Variants in MIA2 observed in about 807,000 individuals in gnomAD.
MIA2 encodes the protein MIA SH3 domain ER export factor 2.
A neutral mutation model predicts 167.8 loss-of-function variants in MIA2; 127 were observed. The ratio of observed to expected loss-of-function variants is 0.76; its 90% CI spans 0.66 to 0.88. MIA2 has a LOEUF of 0.88. Among genes scored for constraint, MIA2 ranks in the 40% least tolerant of loss-of-function variants. The pLI is 0.00. For missense variants in MIA2, 1,690 were observed against 1,624.7 expected, an observed-to-expected ratio of 1.04 and a Z score of -0.69; for synonymous variants, 552 against 541.9, an observed-to-expected ratio of 1.02 and a Z score of -0.26.
intron 24 of MIA2, among the ~76,000 whole-genome samples, chr14:39,321,315 T>A (rs1045867998): frequency 7.9e-5 from 12 of 152,088 alleles, no homozygotes; most frequent in African/African-American, 2.9e-4. Context: ...TCTTTTTAAT[T>A]TTAATTTTTA....
intron 9 of MIA2, among the ~76,000 whole-genome samples, chr14:39,288,444 TATATATATATATA>T (rs2060120727): frequency 6.1e-4 from 6 of 9,786 alleles, no homozygotes; most frequent in Non-Finnish European, 8.9e-4. Context: ...TATATATATA[TATATATATATATA>T]TATATATATA....
At chr14:39,335,159 A>C (rs1212903475) in intron 25 of MIA2, among the ~76,000 whole-genome samples, 1 of 152,200 alleles carries the variant, frequency 6.6e-6, no homozygotes, top group Non-Finnish European at 1.5e-5. Context: ...CCTCTCTTTT[A>C]TGTAAGGTTG....
chr14:39,325,092 A>G (rs1369284302), intron 24 of MIA2, among the ~76,000 whole-genome samples: 5 of 152,060 alleles, frequency 3.3e-5, no homozygotes, highest in Non-Finnish European at 7.4e-5. Context: ...GCGTGGTGGC[A>G]CATGCCTGTT....
chr14:39,245,080 C>CGTTTTTTT (rs1566590809), intron 3 of MIA2, among the ~76,000 whole-genome samples: 10 of 10,526 alleles, frequency 9.5e-4, no homozygotes, highest in Non-Finnish European at 2.1e-3. Flanking sequence ...ACCTAGCTAA[C>CGTTTTTTT]CTTTTTTTTT....
chr14:39,350,189 T>G lies in MIA2; in HGVS notation c.4164T>G (p.Ser1388Arg). The G allele has an allele frequency of 3.4e-6, 5 of 1,484,248 alleles. No individual in the cohort carries two copies. The highest frequency in any genetic ancestry group is 4.6e-6 in the Non-Finnish European group (5 of 1,092,928). 91.9% of individuals were successfully genotyped at this position (1,484,248 alleles called of 1,614,324 possible). ...CACCCCCACATTCTGAAGGTAGAAGTGAGTTCCCCTCAGGTTTGATTCCAC... is the reference window on the plus strand; with the variant it reads ...CACCCCCACATTCTGAAGGTAGAAGGGAGTTCCCCTCAGGTTTGATTCCAC... The part of the protein sequence containing the change: ...FPPPPHSEGR[S>R]EFPSGLIPPS... The change falls in exon 29 of 29, where the codon AGT becomes AGG. Residue 1388 changes from serine to arginine, a missense_variant. Transcript: ENST00000640607.
Position 39,320,983 on chromosome 14 carries a change from T to G in MIA2, c.3423T>G (p.Ala1141=). The part of the protein sequence containing the change: ...PLGWPSSETR[A]FLSPPTLLEG... ...GTTGGCCTTCATCTGAAACAAGAGC[T>G]TTTCTCTCTCCTCCAACTTTGTTGG... is the stretch of plus-strand genomic sequence containing the variant. Residue 1141 remains alanine, a synonymous_variant, in exon 24 of 29, where the codon GCT becomes GCG. Transcript: ENST00000640607. 6.2e-7 allele frequency: 1 copy of G among 1,613,732 alleles called. No homozygotes were observed. Among genetic ancestry groups the G allele is most frequent in the South Asian group, 1.1e-5 (1 of 91,066 alleles).
chr14:39,257,178 A>ATCAATATT (rs1230535280), intron 6 of MIA2, among the ~76,000 whole-genome samples: 6 of 152,192 alleles, frequency 3.9e-5, no homozygotes, highest in Non-Finnish European at 8.8e-5. Context: ...TAATATTGAC[A>ATCAATATT]GTGGGGCATC....
chr14:39,235,557 C>A (rs1172550730), intron 1 of MIA2, among the ~76,000 whole-genome samples: 1 of 151,706 alleles, frequency 6.6e-6, no homozygotes, highest in Non-Finnish European at 1.5e-5. Context: ...GTGGGAGGAT[C>A]ACTTGAGTCC....
chr14:39,261,307 A>G (rs2055097472), intron 6 of MIA2, among the ~76,000 whole-genome samples: 2 of 152,136 alleles, frequency 1.3e-5, no homozygotes, highest in Non-Finnish European at 2.9e-5. Flanking sequence ...TGTCCCTACA[A>G]AGGACATGAA....
intron 9 of MIA2, among the ~76,000 whole-genome samples, chr14:39,288,473 A>ATTTTTTT (rs1338351779): frequency 7.8e-5 from 4 of 51,414 alleles, no homozygotes; most frequent in African/African-American, 2.1e-4. Context: ...ATATATATAT[A>ATTTTTTT]TATTTTTTTT....
At chr14:39,311,836 G>GTTTT (rs34526208) in intron 18 of MIA2, among the ~76,000 whole-genome samples, 2 of 96,614 alleles carry the variant, frequency 2.1e-5, no homozygotes, top group Non-Finnish European at 2.3e-5. Flanking sequence ...GTGTGTGTGT[G>GTTTT]TTTTTTTTTT....
Position 39,320,936 on chromosome 14 carries a change from C to G in MIA2, c.3376C>G (p.Pro1126Ala). The change falls in exon 24 of 29, where the codon CCA becomes GCA. Residue 1126 changes from proline (P) to alanine (A), a missense_variant. By Grantham distance (27) the Pro-to-Ala change is conservative. Coordinates refer to ENST00000640607, the MANE Select transcript of MIA2 (RefSeq NM_001329214.4). ...TGTTTTAATTATTCCAGAGCATTCC[C>G]CATATGGTCCCTCACCATTGGGTTG... The part of the protein sequence containing the change: ...PNTAFGREHS[P>A]YGPSPLGWPS... 4 of 1,613,014 alleles carry G rather than the reference C, an allele frequency of 2.5e-6. No individual in the cohort carries two copies. Among genetic ancestry groups the G allele is most frequent in the Non-Finnish European group, 3.4e-6 (4 of 1,179,584 alleles).
chr14:39,364,437 T>G (rs1026952527), intron 23 of MIA2, among the ~76,000 whole-genome samples: 30 of 100,272 alleles, frequency 3.0e-4, no homozygotes, highest in African/African-American at 9.6e-4. Flanking sequence ...GTTTGTTGGT[T>G]TTTTTTTTGT....
chr14:39,381,667 G>GTTTTTTTTTTT (rs398057014), intron 23 of MIA2, among the ~76,000 whole-genome samples: 1 of 145,316 alleles, frequency 6.9e-6, no homozygotes, highest in Admixed American at 6.9e-5. Context: ...TTTGCTGGCT[G>GTTTTTTTTTTT]TTTTTTTTTT....
In MIA2 at chr14:39,237,331, T is replaced by C. The variant is rs571815163; in HGVS notation, c.249+276T>C. ...TTGGTAGAGACAGCATTTCACTCTG[T>C]TGCCCAGGCTGGTCACAAACCCCTG... On this transcript the variant is annotated intron_variant, in intron 2 of 28. Coordinates refer to ENST00000640607, the MANE Select transcript of MIA2 (RefSeq NM_001329214.4). 171 of 385,254 alleles carry C rather than the reference T, an allele frequency of 4.4e-4. 2 individuals carry two copies. Among genetic ancestry groups the C allele is most frequent in the South Asian group, 3.7e-3 (166 of 44,394 alleles). 23.9% of individuals were successfully genotyped at this position (385,254 alleles called of 1,614,324 possible).
At chr14:39,379,897 T>TA (rs1474570439) in intron 23 of MIA2, among the ~76,000 whole-genome samples, 1 of 151,388 alleles carries the variant, frequency 6.6e-6, no homozygotes, top group African/African-American at 2.4e-5. Context: ...AAAATGTTTT[T>TA]ATCTCAGTTT....
chr14:39,354,631 T>TG (rs1464405683), downstream of MIA2, among the ~76,000 whole-genome samples: 1 of 152,256 alleles, frequency 6.6e-6, no homozygotes, highest in African/African-American at 2.4e-5. Flanking sequence ...ATGAGATCCT[T>TG]GCCCATGCCT....
chr14:39,385,662 T>C, intron 23 of MIA2: 1 of 947,250 alleles, frequency 1.1e-6, no homozygotes, highest in Non-Finnish European at 1.7e-6. Flanking sequence ...AAAGCTTAAA[T>C]GCAATCTTTT....
intron 6 of MIA2, chr14:39,267,297 G>T: frequency 6.8e-7 from 1 of 1,466,208 alleles, no homozygotes; most frequent in Non-Finnish European, 9.0e-7. Flanking sequence ...GCCTGCGGGT[G>T]CCCCTGTCCC....
Sources: gnomAD v4.1 joint callset for allele counts (sites outside exome capture counted in the v4.1 genomes callset) on GRCh38, gnomAD v4.1.1 for gene constraint, MANE v1.5 for transcripts, NCBI Gene and HGNC (gene_info 2026-07-23, HGNC 2026-07-21) for gene names.